ZSCAN4: variants seen among roughly 807,000 people sequenced by gnomAD.
The protein encoded by ZSCAN4 is zinc finger and SCAN domain-containing protein 4.
ZSCAN4 carries 18 observed loss-of-function variants against 18.3 expected under a neutral mutation model. That is an observed-to-expected ratio of 0.98 (90% CI 0.68 to 1.46). The LOEUF is 1.46. Ranked by LOEUF, ZSCAN4 falls within the 40% of genes most tolerant of loss-of-function variation. The pLI is 0.00. For synonymous variants in ZSCAN4, 193 were observed against 180.3 expected (o/e 1.07, Z -0.57); for missense variants, 498 against 511.4 (o/e 0.97, Z 0.25).
At chr19:57,678,748 A>G in exon 5 of ZSCAN4, 1 of 1,614,000 alleles carries the variant, frequency 6.2e-7, no homozygotes, top group East Asian at 2.2e-5. Context: ...CACAAAACCA[A>G]CCTGCGGTCT....
exon 5 of ZSCAN4, chr19:57,678,546 G>A: frequency 1.9e-6 from 3 of 1,614,140 alleles, no homozygotes; most frequent in Non-Finnish European, 2.5e-6. Context: ...ATACAAATGT[G>A]AAGAATGCCC....
chr19:57,678,423 T>A lies in ZSCAN4; in HGVS notation c.820T>A (p.Cys274Ser), dbSNP rs766181845. Residue 274 changes from cysteine to serine, a missense_variant, in exon 5 of 5, where the codon TGT becomes AGT. Transcript: ENST00000318203. The stretch of plus-strand genomic sequence containing the variant: ...TGTCCCTATGGTGATGGGAGCAGGG[T>A]GTATCTCTCAACCAGAGCAGTCCTC... The A allele has an allele frequency of 5.0e-6, 8 of 1,613,792 alleles. No homozygotes were observed. The East Asian group carries it at 1.8e-4, about 36-fold the overall frequency.
At chr19:57,675,864 G>A (rs1269707006) in intron 2 of ZSCAN4, among the ~76,000 whole-genome samples, 177 bp from the exon 3 acceptor site, 1 of 152,158 alleles carries the variant, frequency 6.6e-6, no homozygotes. Flanking sequence ...AGGAAGTGCT[G>A]ACCTCAGTAA....
the ZSCAN4 span, among the ~76,000 whole-genome samples, chr19:57,658,052 C>T: frequency 6.6e-3 from 997 of 152,150 alleles, 9 homozygotes; most frequent in African/African-American, 0.023. Context: ...ACTGATTTTG[C>T]GTGTTATCAA....
At chr19:57,662,101 A>C in the ZSCAN4 span, among the ~76,000 whole-genome samples, 3 of 151,500 alleles carry the variant, frequency 2.0e-5, no homozygotes, top group Non-Finnish European at 4.4e-5. Context: ...AAAGGAAAAG[A>C]AAAAAAGAAC....
intron 2 of ZSCAN4, 48 bp from the exon 3 acceptor site, chr19:57,675,993 A>G (rs1984169374): frequency 1.3e-6 from 1 of 747,492 alleles, no homozygotes; most frequent in Non-Finnish European, 2.1e-6. Flanking sequence ...ATTTGTCTTT[A>G]ATTATGCCAG....
At chr19:57,676,199 T>C (rs1984178179) in exon 3 of ZSCAN4, 2 of 1,614,068 alleles carry the variant, frequency 1.2e-6, no homozygotes, top group African/African-American at 1.3e-5. Flanking sequence ...AGAATAATCT[T>C]GGATCAGAAA....
exon 5 of ZSCAN4, chr19:57,679,072 C>A: frequency 1.4e-6 from 1 of 733,488 alleles, no homozygotes; most frequent in Non-Finnish European, 1.9e-6. Context: ...CAGTTTTGTT[C>A]ACTAAAGTAT....
chr19:57,666,094 C>T (rs1983842112), upstream of ZSCAN4, among the ~76,000 whole-genome samples: 1 of 152,090 alleles, frequency 6.6e-6, no homozygotes, highest in Admixed American at 6.6e-5. Context: ...GGTAGTTTGC[C>T]TTTTGAAGAA....
chr19:57,661,118 T>C, the ZSCAN4 span, among the ~76,000 whole-genome samples: 1 of 152,310 alleles, frequency 6.6e-6, no homozygotes, highest in South Asian at 2.1e-4. Context: ...GATTCATTGA[T>C]CCCCTATATT....
upstream of ZSCAN4, chr19:57,664,324 C>G (rs1983797548): frequency 6.5e-6 from 1 of 153,062 alleles, no homozygotes; most frequent in Non-Finnish European, 1.5e-5. Flanking sequence ...GCAAGAGCCC[C>G]AGGACGCTGC....
intron 2 of ZSCAN4, among the ~76,000 whole-genome samples, chr19:57,674,264 C>T (rs1984111778): frequency 6.6e-6 from 1 of 152,078 alleles, no homozygotes; most frequent in Admixed American, 6.6e-5. Flanking sequence ...TTCTAGTGTA[C>T]CTATTACTTA....
intron 2 of ZSCAN4, among the ~76,000 whole-genome samples, chr19:57,675,139 G>A (rs1231626639): frequency 3.6e-5 from 5 of 139,712 alleles, no homozygotes; most frequent in East Asian, 2.0e-4. Context: ...GTGTGCGTGT[G>A]GCTTTTTTTT....
At chr19:57,654,714 T>G in the ZSCAN4 span, among the ~76,000 whole-genome samples, 1 of 152,100 alleles carries the variant, frequency 6.6e-6, no homozygotes, top group Non-Finnish European at 1.5e-5. Context: ...CCTCCACCAC[T>G]CATTTATCTG....
intron 2 of ZSCAN4, among the ~76,000 whole-genome samples, chr19:57,674,145 T>C (rs1287313039): frequency 6.6e-6 from 1 of 152,250 alleles, no homozygotes; most frequent in African/African-American, 2.4e-5. Context: ...GACATCTCCC[T>C]AAATTCACCT....
chr19:57,673,749 G>GATTATT (rs201203110), intron 2 of ZSCAN4, among the ~76,000 whole-genome samples: 6 of 151,536 alleles, frequency 4.0e-5, no homozygotes, highest in Non-Finnish European at 7.4e-5. Context: ...TGATGATGAT[G>GATTATT]ATTATTATTA....
intron 2 of ZSCAN4, among the ~76,000 whole-genome samples, chr19:57,671,655 C>T (rs1187037312): frequency 6.6e-6 from 1 of 152,070 alleles, no homozygotes; most frequent in African/African-American, 2.4e-5. Context: ...GGGAGCCATC[C>T]AGAGAGTAGA....
upstream of ZSCAN4, chr19:57,665,141 G>C (rs1983822163): frequency 6.5e-6 from 1 of 152,734 alleles, no homozygotes; most frequent in Admixed American, 6.5e-5. Flanking sequence ...TGGAAGCATA[G>C]GGGTCTTTTA....
upstream of ZSCAN4, among the ~76,000 whole-genome samples, chr19:57,665,765 A>G (rs754520536): frequency 1.6e-4 from 24 of 152,110 alleles, no homozygotes; most frequent in Middle Eastern, 3.2e-3. Flanking sequence ...TAAAAATACA[A>G]AATAAGCTGG....
Sources: gnomAD v4.1 joint callset for allele counts (sites outside exome capture counted in the v4.1 genomes callset) on GRCh38, gnomAD v4.1.1 for gene constraint, MANE v1.5 for transcripts, NCBI Gene and HGNC (gene_info 2026-07-23, HGNC 2026-07-21) for gene names.